The following PCLO variants were observed in gnomAD, a reference collection of about 807,000 sequenced individuals.
The protein encoded by PCLO is piccolo presynaptic cytomatrix protein.
In PCLO, 82 loss-of-function variants were observed where a neutral mutation model predicts 427.5. That is an observed-to-expected ratio of 0.19 (90% CI 0.16 to 0.23). PCLO has a LOEUF of 0.23. PCLO is among the 10% of genes least tolerant of loss of function. The pLI, the probability that PCLO is intolerant of heterozygous loss-of-function variation, is 1.00. For missense variants in PCLO, 6,239 were observed against 6,115.9 expected (o/e 1.02, Z -0.67); for synonymous variants, 2,357 against 2,155.4 (o/e 1.09, Z -2.59).
intron 3 of PCLO, among the ~76,000 whole-genome samples, chr7:82,971,202 C>T (rs889555349): frequency 2.6e-5 from 4 of 151,772 alleles, no homozygotes; most frequent in Non-Finnish European, 5.9e-5. Context: ...ACTTACGTAA[C>T]AACTCAATGT....
chr7:82,954,476 A>C lies in PCLO; in HGVS notation c.6477T>G (p.His2159Gln), dbSNP rs763782440. 3 of 1,614,000 alleles carry C rather than the reference A, an allele frequency of 1.9e-6. No homozygotes were observed. The Admixed American group carries it at 5.0e-5, about 27-fold the overall frequency. The change falls in exon 5 of 25, where the codon CAT becomes CAG. Residue 2159 changes from histidine to glutamine, a missense_variant. Physicochemically the swap from His to Gln is conservative, Grantham distance 24 (BLOSUM62 0). Coordinates refer to ENST00000333891, the MANE Select transcript of PCLO (RefSeq NM_033026.6). ...YTREIQEIIA[H>Q]ESLILTYSEP... Reference sequence around the variant, plus strand: ...CCGAGTAGGTCAAAATCAGCGATTCATGGGCAATTATCTCTTGAATTTCTC... The same window carrying C: ...CCGAGTAGGTCAAAATCAGCGATTCCTGGGCAATTATCTCTTGAATTTCTC...
intron 9 of PCLO, among the ~76,000 whole-genome samples, chr7:82,884,637 G>A (rs894909072): frequency 2.6e-5 from 4 of 152,048 alleles, no homozygotes; most frequent in African/African-American, 7.2e-5. Context: ...GCAATGAAAA[G>A]GAAATTTATT....
chr7:82,883,421 A>G (rs1793556075), intron 9 of PCLO, among the ~76,000 whole-genome samples: 1 of 152,172 alleles, frequency 6.6e-6, no homozygotes, highest in Admixed American at 6.6e-5. Flanking sequence ...TTATATTAAA[A>G]ATTCAGTTAT....
chr7:82,930,233 A>G (rs1376431748), intron 6 of PCLO, among the ~76,000 whole-genome samples: 1 of 152,140 alleles, frequency 6.6e-6, no homozygotes, highest in Non-Finnish European at 1.5e-5. Flanking sequence ...AAATGAAAAC[A>G]CAAGTACACG....
At chr7:83,101,721 G>T (rs1259594494) in intron 3 of PCLO, among the ~76,000 whole-genome samples, 1 of 152,078 alleles carries the variant, frequency 6.6e-6, no homozygotes, top group Non-Finnish European at 1.5e-5. Flanking sequence ...TTGCTTCTAA[G>T]AATAAATCTT....
chr7:83,133,554 A>G (rs1791628346), intron 3 of PCLO, among the ~76,000 whole-genome samples: 1 of 152,016 alleles, frequency 6.6e-6, no homozygotes, highest in Admixed American at 6.6e-5. Context: ...TCATCCCTTT[A>G]AAAAACCCTT....
At chr7:83,105,386 T>C (rs1342604321) in intron 3 of PCLO, among the ~76,000 whole-genome samples, 2 of 152,206 alleles carry the variant, frequency 1.3e-5, no homozygotes, top group Non-Finnish European at 2.9e-5. Context: ...TTTGGGATCA[T>C]ATCCCTGCGT....
At chr7:82,827,245 A>G (rs2115682356) in intron 17 of PCLO, among the ~76,000 whole-genome samples, 1 of 152,240 alleles carries the variant, frequency 6.6e-6, no homozygotes, top group East Asian at 1.9e-4. Flanking sequence ...TTCTCTCTGA[A>G]TTCAACCTTA....
intron 16 of PCLO, among the ~76,000 whole-genome samples, chr7:82,828,256 T>C (rs1448280647): frequency 6.6e-6 from 1 of 152,106 alleles, no homozygotes. Flanking sequence ...TTCCTGAATG[T>C]AGGAGATAAT....
intron 3 of PCLO, among the ~76,000 whole-genome samples, chr7:83,096,607 G>C (rs981476975): frequency 1.3e-4 from 19 of 149,930 alleles, no homozygotes; most frequent in African/African-American, 4.4e-4. Flanking sequence ...CATTTAGGTG[G>C]GATTGCCATC....
Position 83,155,715 on chromosome 7 carries a change from G to A in PCLO, c.926C>T (p.Pro309Leu), listed in dbSNP as rs1792274478. The change falls in exon 2 of 25, where the codon CCA (proline) becomes CTA (leucine). Residue 309 changes from proline to leucine, a missense_variant. Physicochemically the swap from Pro to Leu is moderately conservative, Grantham distance 98. Coordinates refer to ENST00000333891, the MANE Select transcript of PCLO (RefSeq NM_033026.6). ...PSPSKPPIQQ[P>L]TPGKPPAQQP... ...CTGTGCTGGAGGTTTTCCAGGAGTTGGTTGCTGAATAGGTGGTTTGGATGG... is the reference window on the plus strand; with the variant it reads ...CTGTGCTGGAGGTTTTCCAGGAGTTAGTTGCTGAATAGGTGGTTTGGATGG... 6.2e-7 allele frequency: 1 copy of A among 1,613,844 alleles called. No homozygotes were observed. Among genetic ancestry groups the A allele is most frequent in the Admixed American group, 1.7e-5 (1 of 60,002 alleles).
rs528364981 is a variant in PCLO, at chr7:83,033,987, G to A, written c.3301-67500C>T. On this transcript the variant is annotated intron_variant, in intron 3 of 24. Transcript: ENST00000333891. ...TTTATCTTTTTCTTGTCTTCAGTGC[G>A]TAATACTTAGCCTTATTCAAGTAAT... Among the ~76,000 whole-genome samples the A allele has an allele frequency of 3.5e-4, 53 of 152,054 alleles. No individual in the cohort carries two copies. The South Asian group carries it at 6.6e-3, about 19-fold the overall frequency.
intron 3 of PCLO, among the ~76,000 whole-genome samples, chr7:82,999,735 A>T (rs1316162609): frequency 3.8e-5 from 4 of 104,866 alleles, no homozygotes; most frequent in Middle Eastern, 5.4e-3. Flanking sequence ...TATTAAATAT[A>T]AAATATAATA....
chr7:82,792,964 A>G (rs1791137146), intron 22 of PCLO, among the ~76,000 whole-genome samples: 2 of 151,352 alleles, frequency 1.3e-5, no homozygotes, highest in South Asian at 4.1e-4. Context: ...CTTATATGGC[A>G]AGCTTTACTT....
chr7:83,119,854 A>T (rs971632483), intron 3 of PCLO, among the ~76,000 whole-genome samples: 5 of 151,244 alleles, frequency 3.3e-5, no homozygotes, highest in Middle Eastern at 3.4e-3. Context: ...GAAGTAATTT[A>T]AAAAATCAAA....
At chr7:83,070,857 C>G (rs1206373975) in intron 3 of PCLO, among the ~76,000 whole-genome samples, 3 of 152,298 alleles carry the variant, frequency 2.0e-5, no homozygotes, top group African/African-American at 2.4e-5. Context: ...CTCCAGCTTT[C>G]TGTCTACTTC....
chr7:83,106,405 C>T (rs1033989691), intron 3 of PCLO, among the ~76,000 whole-genome samples: 6 of 152,174 alleles, frequency 3.9e-5, no homozygotes, highest in Admixed American at 3.3e-4. Context: ...GCTTGCCCAC[C>T]TTCAATGACA....
chr7:82,757,092 A>G lies in PCLO; in HGVS notation c.*1483T>C, dbSNP rs1483818066. On this transcript the variant is annotated 3_prime_UTR_variant, in exon 25 of 25. Transcript: ENST00000333891. Reference sequence around the variant, plus strand: ...ACATCTCATTTGGAAGGTTAAGAATATATAATTGTTTTTATCCTATAGATA... The same window carrying G: ...ACATCTCATTTGGAAGGTTAAGAATGTATAATTGTTTTTATCCTATAGATA... 1.3e-5 allele frequency: 2 copies of G among 152,068 alleles called. No individual in the cohort carries two copies. Among genetic ancestry groups the G allele is most frequent in the Non-Finnish European group, 2.9e-5 (2 of 67,984 alleles). 9.4% of individuals were successfully genotyped at this position (152,068 alleles called of 1,614,324 possible).
intron 3 of PCLO, among the ~76,000 whole-genome samples, chr7:83,057,783 T>A (rs1397836359): frequency 6.6e-6 from 1 of 151,990 alleles, no homozygotes; most frequent in Admixed American, 6.6e-5. Context: ...GGAAAGAAAA[T>A]CAAAATCTTA....
Sources: gnomAD v4.1 joint callset for allele counts (sites outside exome capture counted in the v4.1 genomes callset) on GRCh38, gnomAD v4.1.1 for gene constraint, MANE v1.5 for transcripts, NCBI Gene and HGNC (gene_info 2026-07-23, HGNC 2026-07-21) for gene names.